The following GPC6 variants were observed in gnomAD, a reference collection of about 807,000 sequenced individuals.
The protein encoded by GPC6 is glypican-6.
Under a neutral mutation model 55.2 loss-of-function variants are expected in GPC6, and 14 were observed. That is an observed-to-expected ratio of 0.25 (90% CI 0.17 to 0.40). The LOEUF (loss-of-function observed/expected upper bound fraction) is 0.40. Ranked by LOEUF, GPC6 falls within the 10% of genes least tolerant of loss-of-function variation. The pLI, the probability that GPC6 is intolerant of heterozygous loss-of-function variation, is 1.00. For synonymous variants in GPC6, 278 were observed against 259.6 expected, an observed-to-expected ratio of 1.07 and a Z score of -0.68; for missense variants, 641 against 708.5, an observed-to-expected ratio of 0.90 and a Z score of 1.08.
chr13:93,410,921 C>G (rs1184196011), intron 1 of GPC6, among the ~76,000 whole-genome samples: 1 of 152,134 alleles, frequency 6.6e-6, no homozygotes, highest in Non-Finnish European at 1.5e-5. Flanking sequence ...AGGCAAAATT[C>G]AGCTATGGAA....
chr13:93,887,459 C>T (rs1002761330), intron 3 of GPC6, among the ~76,000 whole-genome samples: 1 of 151,766 alleles, frequency 6.6e-6, no homozygotes, highest in Non-Finnish European at 1.5e-5. Context: ...GAGATAACAC[C>T]CACTAGAATT....
chr13:93,953,352 C>T lies in GPC6; in HGVS notation c.712-74377C>T, dbSNP rs189003074. 7.9e-5 allele frequency among the ~76,000 whole-genome samples: 12 copies of T among 152,270 alleles called. No individual in the cohort carries two copies. In the East Asian group the frequency reaches 2.3e-3, roughly 29 times the overall value. ...TATCATCCTGAATGGTTGCCTCCTA[C>T]TTTCCCCTTCAGACTGGGGTTTTCA... is the stretch of plus-strand genomic sequence containing the variant. On this transcript the variant is annotated intron_variant, in intron 3 of 8. Transcript: ENST00000377047.
At chr13:93,832,742 C>T (rs764625540) in intron 3 of GPC6, among the ~76,000 whole-genome samples, 34 of 152,126 alleles carry the variant, frequency 2.2e-4, no homozygotes, top group African/African-American at 3.9e-4. Context: ...AAGTCTAACA[C>T]GCTATTCCTT....
At chr13:94,291,220 A>G (rs992512072) in intron 5 of GPC6, among the ~76,000 whole-genome samples, 3 of 152,146 alleles carry the variant, frequency 2.0e-5, no homozygotes, top group Non-Finnish European at 4.4e-5. Context: ...AAAGAAAAAA[A>G]AAAGGGATAA....
At chr13:94,261,818 G>C (rs749789900) in intron 4 of GPC6, among the ~76,000 whole-genome samples, 2 of 152,200 alleles carry the variant, frequency 1.3e-5, no homozygotes, top group Non-Finnish European at 1.5e-5. Context: ...TTTAGTGAGA[G>C]CAGTTTGTGG....
chr13:93,607,035 T>G (rs984690993), intron 2 of GPC6, among the ~76,000 whole-genome samples: 7 of 152,190 alleles, frequency 4.6e-5, no homozygotes, highest in Non-Finnish European at 1.0e-4. Flanking sequence ...CCTAATATTT[T>G]CAGGAGGACT....
At chr13:94,304,869 G>A (rs1875862088) in intron 5 of GPC6, among the ~76,000 whole-genome samples, 2 of 152,120 alleles carry the variant, frequency 1.3e-5, no homozygotes, top group African/African-American at 4.8e-5. Context: ...GTTATTATAT[G>A]GATTTCATCC....
chr13:93,394,753 A>T (rs1372667558), intron 1 of GPC6, among the ~76,000 whole-genome samples: 2 of 152,132 alleles, frequency 1.3e-5, no homozygotes, highest in African/African-American at 4.8e-5. Context: ...TGGAAGTTCC[A>T]CTGTGAATCT....
rs767086167 is a variant in GPC6 at position 94,405,027 on chromosome 13, A to G, written c.*1810A>G. 1.1e-4 allele frequency: 17 copies of G among 152,334 alleles called. No homozygotes were observed. The highest frequency in any genetic ancestry group is 1.8e-4 in the Non-Finnish European group (12 of 68,018). The allele number at this position is 152,334 out of a possible 1,614,324, so 9.4% of individuals were successfully genotyped here. On this transcript the variant is annotated 3_prime_UTR_variant, in exon 9 of 9. Transcript: ENST00000377047. ...ACTCATCGACAGTATTGACACGTAA[A>G]TGGTATTTTTCAATCTGTTCTCATC...
chr13:93,612,893 T>C (rs965922584), intron 2 of GPC6, among the ~76,000 whole-genome samples: 1 of 152,146 alleles, frequency 6.6e-6, no homozygotes, highest in Non-Finnish European at 1.5e-5. Context: ...GTGGGAGTAT[T>C]TGAGGTAAAG....
chr13:94,371,383 AT>A (rs1879534561), intron 6 of GPC6, among the ~76,000 whole-genome samples: 1 of 152,216 alleles, frequency 6.6e-6, no homozygotes, highest in South Asian at 2.1e-4. Flanking sequence ...AACCATAGTT[AT>A]CAACTATGGC....
intron 1 of GPC6, chr13:93,395,733 C>G (rs990426000): frequency 6.5e-6 from 1 of 153,468 alleles, no homozygotes; most frequent in Non-Finnish European, 1.4e-5. Flanking sequence ...GAGCTGTTCC[C>G]CATTGCTCCT....
chr13:93,701,345 G>A lies in GPC6; in HGVS notation c.320-128809G>A, dbSNP rs78629257. Among the ~76,000 whole-genome samples the A allele has an allele frequency of 6.2e-4, 95 of 152,062 alleles. No homozygotes were observed. In the East Asian group the frequency reaches 0.018, roughly 29 times the overall value. ...GTTTCTCAGTGCATTTAAAATTTGT[G>A]TGTAATAGCATTATGGATTAAAAAA... is the stretch of plus-strand genomic sequence containing the variant. On this transcript the variant is annotated intron_variant, in intron 2 of 8. Transcript: ENST00000377047.
intron 1 of GPC6, among the ~76,000 whole-genome samples, chr13:93,390,408 TTA>T (rs1212338329): frequency 2.0e-5 from 3 of 152,092 alleles, no homozygotes; most frequent in Non-Finnish European, 4.4e-5. Context: ...GTAATGGCAC[TTA>T]TAGAGACAAT....
In GPC6 at chr13:94,310,811, G is replaced by A. The variant is rs143821566; in HGVS notation, c.1152+4688G>A. Among the ~76,000 whole-genome samples, 381 of 152,102 alleles carry A rather than the reference G, an allele frequency of 2.5e-3. 2 individuals are homozygous for A. Among genetic ancestry groups the A allele is most frequent in the Non-Finnish European group, 4.0e-3 (273 of 68,004 alleles). On this transcript the variant is annotated intron_variant, in intron 6 of 8. Transcript: ENST00000377047. ...AATCTTGGTGGAAGACCAGCTCATC[G>A]AATGGCTGATTTAAATTCTGTCCCA...
intron 4 of GPC6, among the ~76,000 whole-genome samples, chr13:94,263,571 T>C (rs1891711932): frequency 6.6e-6 from 1 of 152,178 alleles, no homozygotes; most frequent in South Asian, 2.1e-4. Context: ...CTCTTCCCTC[T>C]CATTTTTGCT....
At chr13:93,879,153 C>A (rs1037118292) in intron 3 of GPC6, among the ~76,000 whole-genome samples, 1 of 152,060 alleles carries the variant, frequency 6.6e-6, no homozygotes, top group Non-Finnish European at 1.5e-5. Flanking sequence ...GCATTCTTCA[C>A]GTAGTTCTCG....
intron 2 of GPC6, among the ~76,000 whole-genome samples, chr13:93,759,224 TC>T (rs752044681): frequency 2.5e-4 from 38 of 152,146 alleles, no homozygotes; most frequent in Non-Finnish European, 4.7e-4. Context: ...CAAGCTTGCC[TC>T]CCTTTCCAGA....
intron 4 of GPC6, among the ~76,000 whole-genome samples, chr13:94,205,911 C>T (rs555873025): frequency 5.3e-5 from 8 of 152,150 alleles, no homozygotes; most frequent in Non-Finnish European, 8.8e-5. Flanking sequence ...CCATCAGAGA[C>T]GTTTGGCAGT....
Sources: gnomAD v4.1 joint callset for allele counts (sites outside exome capture counted in the v4.1 genomes callset) on GRCh38, gnomAD v4.1.1 for gene constraint, MANE v1.5 for transcripts, NCBI Gene and HGNC (gene_info 2026-07-23, HGNC 2026-07-21) for gene names.